DNAH11: variants seen among roughly 807,000 people sequenced by gnomAD.
The protein encoded by DNAH11 is axonemal beta dynein heavy chain 11.
DNAH11 carries 442 observed loss-of-function variants against 526.0 expected under a neutral mutation model. The ratio of observed to expected loss-of-function variants is 0.84; its 90% confidence interval spans 0.78 to 0.91. The LOEUF (loss-of-function observed/expected upper bound fraction) is 0.91, where lower values mean the gene tolerates loss of function less well. DNAH11 is among the 40% of genes least tolerant of loss of function. The probability of loss-of-function intolerance (pLI) is 0.00; values close to 1 mark genes in which losing one functional copy is unlikely to be tolerated. For synonymous variants in DNAH11, 2,461 were observed against 1,935.9 expected (o/e 1.27, Z -7.12); for missense variants, 6,989 against 5,448.7 (o/e 1.28, Z -8.90).
rs767406411 is a variant in DNAH11, at chr7:21,705,485, C to G, written c.6494C>G (p.Ala2165Gly). The change falls in exon 39 of 82, where the codon GCT becomes GGT. Residue 2165 changes from alanine (A) to glycine (G), a missense_variant. By Grantham distance (60) the Ala-to-Gly change is moderately conservative. Coordinates refer to ENST00000409508, the MANE Select transcript of DNAH11 (RefSeq NM_001277115.2). ...LKVVQLEELL[A>G]VRHSVFVVGN... ...GTTGTCCAGCTTGAGGAACTGTTGG[C>G]TGTGCGGCACTCGGTCTTTGTAGTT... 2 of 1,613,684 alleles carry G rather than the reference C, an allele frequency of 1.2e-6. No homozygotes were observed. The highest frequency in any genetic ancestry group is 1.7e-6 in the Non-Finnish European group (2 of 1,179,718).
intron 54 of DNAH11, among the ~76,000 whole-genome samples, chr7:21,761,582 G>T (rs139353855): frequency 1.3e-5 from 2 of 152,240 alleles, no homozygotes; most frequent in African/African-American, 4.8e-5. Context: ...CTTAAAGCAC[G>T]CATTGCTGAG....
At chr7:21,614,391 A>G (rs1397918292) in intron 20 of DNAH11, among the ~76,000 whole-genome samples, 3 of 152,178 alleles carry the variant, frequency 2.0e-5, no homozygotes, top group Non-Finnish European at 4.4e-5. Context: ...GAATGACTGA[A>G]CCTGAAGGAT....
intron 14 of DNAH11, among the ~76,000 whole-genome samples, chr7:21,595,509 C>T (rs1049779258): frequency 5.9e-5 from 9 of 151,952 alleles, no homozygotes; most frequent in South Asian, 2.1e-4. Context: ...ATGTGGAGCA[C>T]GAAAGAAAGA....
intron 63 of DNAH11, among the ~76,000 whole-genome samples, chr7:21,815,932 G>A (rs1789769351): frequency 6.6e-6 from 1 of 151,932 alleles, no homozygotes; most frequent in South Asian, 2.1e-4. Flanking sequence ...TCTCAGCCTA[G>A]AAGTGACATC....
chr7:21,840,924 G>A (rs1176101736), intron 65 of DNAH11, among the ~76,000 whole-genome samples: 1 of 152,150 alleles, frequency 6.6e-6, no homozygotes, highest in African/African-American at 2.4e-5. Flanking sequence ...CCTCACACCT[G>A]TAATCCTAGC....
intron 60 of DNAH11, among the ~76,000 whole-genome samples, chr7:21,788,982 G>A (rs1788313897): frequency 6.6e-6 from 1 of 152,046 alleles, no homozygotes; most frequent in Middle Eastern, 3.2e-3. Context: ...CTGCCTTTAG[G>A]TATTACCATG....
chr7:21,839,663 T>C (rs1440857082), intron 65 of DNAH11, among the ~76,000 whole-genome samples: 1 of 152,012 alleles, frequency 6.6e-6, no homozygotes, highest in South Asian at 2.1e-4. Context: ...TATTCTCCTC[T>C]TGGAAAACAA....
chr7:21,583,478 C>T lies in DNAH11; in HGVS notation c.1710+1457C>T, dbSNP rs535078826. The stretch of plus-strand genomic sequence containing the variant: ...CATGTAAGACCTAAAACCATAATAC[C>T]CCTAGAAGAAATCCCAGGCAATACC... On this transcript the variant is annotated intron_variant, in intron 9 of 81. Coordinates refer to ENST00000409508, the MANE Select transcript of DNAH11 (RefSeq NM_001277115.2). 2.0e-5 allele frequency among the ~76,000 whole-genome samples: 3 copies of T among 152,188 alleles called. No individual in the cohort carries two copies. In the South Asian group the frequency reaches 6.2e-4, roughly 32 times the overall value.
chr7:21,682,210 C>T (rs1054006523), intron 31 of DNAH11, among the ~76,000 whole-genome samples: 3 of 152,112 alleles, frequency 2.0e-5, no homozygotes, highest in African/African-American at 7.2e-5. Flanking sequence ...TTTTAGTATA[C>T]TAATAACCTT....
chr7:21,590,768 T>A, intron 12 of DNAH11, 150 bp from the exon 13 acceptor site: 1 of 476,098 alleles, frequency 2.1e-6, no homozygotes, highest in Non-Finnish European at 3.4e-6. Context: ...TTTTTGTTTT[T>A]AAAAAGTATA....
intron 35 of DNAH11, among the ~76,000 whole-genome samples, chr7:21,694,813 C>A (rs924481283): frequency 6.6e-6 from 1 of 152,180 alleles, no homozygotes; most frequent in African/African-American, 2.4e-5. Flanking sequence ...TACACTCCCA[C>A]CAACAGTGTA....
chr7:21,786,799 T>A, intron 59 of DNAH11, 32 bp downstream of exon 59: 1 of 1,612,226 alleles, frequency 6.2e-7, no homozygotes, highest in East Asian at 2.2e-5. Flanking sequence ...ATGAAAATCC[T>A]GATAATTTCC....
At chr7:21,766,945 C>T (rs1248163206) in intron 55 of DNAH11, among the ~76,000 whole-genome samples, 1 of 152,214 alleles carries the variant, frequency 6.6e-6, no homozygotes, top group Non-Finnish European at 1.5e-5. Flanking sequence ...CTTCTCTCCT[C>T]TACACTTGCA....
chr7:21,857,463 A>G (rs979797711), intron 68 of DNAH11, among the ~76,000 whole-genome samples: 1 of 152,164 alleles, frequency 6.6e-6, no homozygotes, highest in Non-Finnish European at 1.5e-5. Flanking sequence ...TTTGGTAGAA[A>G]TTGGCAAGCT....
In DNAH11 at chr7:21,707,681, T is replaced by C. The variant is rs762043181; in HGVS notation, c.6547-18T>C. ...ATGTTAGTATTAATTTTTTTGGCTCTTTCCTCCTTCCCCTCAGATTTTGAG... is the reference window on the plus strand; with the variant it reads ...ATGTTAGTATTAATTTTTTTGGCTCCTTCCTCCTTCCCCTCAGATTTTGAG... On this transcript the variant is annotated intron_variant, in intron 39 of 81. Coordinates refer to ENST00000409508, the MANE Select transcript of DNAH11 (RefSeq NM_001277115.2). The C allele has an allele frequency of 6.2e-7, 1 of 1,601,734 alleles. No individual in the cohort carries two copies. The highest frequency in any genetic ancestry group is 8.5e-7 in the Non-Finnish European group (1 of 1,176,366).
intron 45 of DNAH11, among the ~76,000 whole-genome samples, chr7:21,729,899 A>G (rs1785300788): frequency 6.6e-6 from 1 of 152,220 alleles, no homozygotes; most frequent in South Asian, 2.1e-4. Flanking sequence ...CCCACTTCTT[A>G]GAATCAAAAT....
At chr7:21,773,187 T>A (rs1176242108) in intron 55 of DNAH11, among the ~76,000 whole-genome samples, 1 of 152,286 alleles carries the variant, frequency 6.6e-6, no homozygotes, top group East Asian at 1.9e-4. Flanking sequence ...CAGTAACTCA[T>A]TGAAGGAGAG....
chr7:21,611,831 A>G (rs1258994536), intron 20 of DNAH11, among the ~76,000 whole-genome samples: 1 of 152,206 alleles, frequency 6.6e-6, no homozygotes, highest in Non-Finnish European at 1.5e-5. Context: ...ACAAAAATGC[A>G]ATATATTTAC....
chr7:21,873,565 C>T, intron 74 of DNAH11, 64 bp downstream of exon 74: 2 of 1,479,350 alleles, frequency 1.4e-6, no homozygotes, highest in Non-Finnish European at 1.9e-6. Flanking sequence ...ACTGTGGGGC[C>T]CAGAATCAAC....
Sources: allele counts gnomAD v4.1 joint callset (sites outside exome capture counted in the v4.1 genomes callset), GRCh38; gene constraint gnomAD v4.1.1; transcripts MANE v1.5; gene names NCBI Gene and HGNC (gene_info 2026-07-23, HGNC 2026-07-21).